Variants in MTTP observed in about 807,000 individuals in gnomAD.
The protein encoded by MTTP is microsomal triglyceride transfer protein large subunit.
Under a neutral mutation model 90.6 loss-of-function variants are expected in MTTP, and 49 were observed. That is an observed-to-expected ratio of 0.54 (90% CI 0.43 to 0.69). The LOEUF (loss-of-function observed/expected upper bound fraction) is 0.69, where lower values mean the gene tolerates loss of function less well. MTTP is among the 30% of genes least tolerant of loss of function. The pLI, the probability that MTTP is intolerant of heterozygous loss-of-function variation, is 0.00. For missense variants in MTTP, 945 were observed against 1,067.5 expected (o/e 0.89, Z 1.60); for synonymous variants, 347 against 384.2 (o/e 0.90, Z 1.13).
chr4:99,608,289 A>C (rs1422704548), intron 11 of MTTP, among the ~76,000 whole-genome samples: 1 of 151,978 alleles, frequency 6.6e-6, no homozygotes, highest in Non-Finnish European at 1.5e-5. Flanking sequence ...TACTAAAAAT[A>C]CAAAAATCAG....
Position 99,611,235 on chromosome 4 carries a change from T to C in MTTP, c.1862T>C (p.Ile621Thr), listed in dbSNP as rs1462140037. ...TCTTCTTCTGCCTACACTGGCTACA[T>C]AGAACGTATGTACACCAAAAAGAGG... ...SGSSSAYTGY[I>T]ERSPRSASTY... is the part of the protein sequence containing the mutation. The change falls in exon 13 of 18, where the codon ATA becomes ACA. Residue 621 changes from isoleucine (I) to threonine (T), a missense_variant. By Grantham distance (89) the Ile-to-Thr change is moderately conservative. Transcript: ENST00000265517. 6 of 1,613,784 alleles carry C rather than the reference T, an allele frequency of 3.7e-6. No individual in the cohort carries two copies. The African/African-American group carries it at 4.0e-5, about 11-fold the overall frequency.
chr4:99,567,908 A>G (rs1333984890), intron 1 of MTTP, among the ~76,000 whole-genome samples: 2 of 152,156 alleles, frequency 1.3e-5, no homozygotes, highest in Non-Finnish European at 2.9e-5. Flanking sequence ...CTAAAAATAT[A>G]CCACAGAAAA....
chr4:99,584,666 G>A (rs1343690527), intron 3 of MTTP, among the ~76,000 whole-genome samples: 1 of 152,030 alleles, frequency 6.6e-6, no homozygotes, highest in Non-Finnish European at 1.5e-5. Context: ...CTGTCATAAA[G>A]TTCATACCCT....
At chr4:99,585,306 T>C (rs886827808) in intron 3 of MTTP, among the ~76,000 whole-genome samples, 1 of 152,126 alleles carries the variant, frequency 6.6e-6, no homozygotes, top group African/African-American at 2.4e-5. Flanking sequence ...TTGTGATAGA[T>C]GAGGAACCAA....
At chr4:99,564,132 C>T (rs1025678473) in exon 1 of MTTP, 18 of 1,535,340 alleles carry the variant, frequency 1.2e-5, no homozygotes, top group Non-Finnish European at 1.5e-5. Flanking sequence ...GGGGCGGGGT[C>T]TGGAGTTAGT....
chr4:99,574,742 G>T (rs1427855661), upstream of MTTP: 1 of 1,487,406 alleles, frequency 6.7e-7, no homozygotes, highest in African/African-American at 1.4e-5. Flanking sequence ...GCCCTTCAGT[G>T]AACTTAGGTC....
chr4:99,569,265 A>G (rs1160237197), intron 1 of MTTP, among the ~76,000 whole-genome samples: 1 of 152,110 alleles, frequency 6.6e-6, no homozygotes, highest in Non-Finnish European at 1.5e-5. Context: ...TCACTAGAGG[A>G]ATATCTTGCG....
chr4:99,603,742 A>G (rs1051662711), intron 10 of MTTP, among the ~76,000 whole-genome samples: 1 of 152,118 alleles, frequency 6.6e-6, no homozygotes, highest in Admixed American at 6.6e-5. Flanking sequence ...CACCAGGCTC[A>G]GTTGTCCAAC....
rs1725671629 is a variant in MTTP, at chr4:99,600,621, T to C, written c.1124T>C (p.Ile375Thr). 6.2e-7 allele frequency: 1 copy of C among 1,613,680 alleles called. No individual in the cohort carries two copies. The highest frequency in any genetic ancestry group is 1.3e-5 in the African/African-American group (1 of 74,880). The change falls in exon 9 of 18, where the codon ATT becomes ACT. Residue 375 changes from isoleucine (I) to threonine (T), a missense_variant. Physicochemically the swap from Ile to Thr is moderately conservative, Grantham distance 89. Transcript: ENST00000265517. ...SAQTSDSLEA[I>T]LDFLDFKSDS... ...CAGACCTCAGACTCATTAGAAGCCA[T>C]TTTGGACTTTTTGGATTTCAAAAGT...
chr4:99,602,431 C>A (rs1051241522), intron 10 of MTTP, among the ~76,000 whole-genome samples: 1 of 152,044 alleles, frequency 6.6e-6, no homozygotes, highest in African/African-American at 2.4e-5. Flanking sequence ...ACAACATAGT[C>A]TTTTTTTCTG....
intron 15 of MTTP, among the ~76,000 whole-genome samples, chr4:99,614,145 A>G (rs1385342486): frequency 1.3e-5 from 2 of 152,192 alleles, no homozygotes; most frequent in African/African-American, 2.4e-5. Context: ...ACATTAATGG[A>G]TAATAGCCTA....
Position 99,610,929 on chromosome 4 carries a change from T to G in MTTP, c.1770-214T>G, listed in dbSNP as rs75109541. Among the ~76,000 whole-genome samples, 29 of 152,328 alleles carry G rather than the reference T, an allele frequency of 1.9e-4. No individual in the cohort carries two copies. The East Asian group carries it at 4.1e-3, about 21-fold the overall frequency. On this transcript the variant is annotated intron_variant, in intron 12 of 17. Transcript: ENST00000265517. Reference sequence around the variant, plus strand: ...GGACACCCTTGCCTTGCTGTCATTTTGATACCAAACTAAATTTCAAATATC... The same window carrying G: ...GGACACCCTTGCCTTGCTGTCATTTGGATACCAAACTAAATTTCAAATATC...
intron 4 of MTTP, among the ~76,000 whole-genome samples, chr4:99,590,691 G>A (rs1725393057): frequency 1.3e-5 from 2 of 152,156 alleles, no homozygotes. Flanking sequence ...AAAGCTCAGA[G>A]AAGCTAGACA....
At chr4:99,566,553 G>A (rs1724707170) in intron 1 of MTTP, among the ~76,000 whole-genome samples, 1 of 152,152 alleles carries the variant, frequency 6.6e-6, no homozygotes, top group Non-Finnish European at 1.5e-5. Context: ...ACAAACCTGA[G>A]AGTGCAATTC....
chr4:99,612,734 T>A (rs577597409), intron 14 of MTTP, among the ~76,000 whole-genome samples, 179 bp from the exon 15 acceptor site: 84 of 152,320 alleles, frequency 5.5e-4, no homozygotes, highest in African/African-American at 1.9e-3. Flanking sequence ...AATGAAAAAC[T>A]AACCCACCTT....
Position 99,564,227 on chromosome 4 carries a change from C to A in MTTP, c.-112C>A, listed in dbSNP as rs1172717458. ...GTGTACCTGCAGACGTGTATTCATT[C>A]ATATATTCTTGTGAGTATTGGATGA... On this transcript the variant is annotated 5_prime_UTR_variant, in exon 1 of 19. Coordinates refer to the MTTP transcript ENST00000457717. 2.0e-6 allele frequency: 3 copies of A among 1,535,444 alleles called. No individual in the cohort carries two copies. In the African/African-American group the frequency reaches 4.1e-5, roughly 21 times the overall value.
chr4:99,590,427 G>T (rs1157422725), intron 4 of MTTP, among the ~76,000 whole-genome samples: 14 of 152,134 alleles, frequency 9.2e-5, no homozygotes, highest in Admixed American at 9.2e-4. Context: ...GGATTATTTG[G>T]ATGCATTGTC....
intron 4 of MTTP, among the ~76,000 whole-genome samples, chr4:99,590,857 AC>A (rs554933809): frequency 0.07 from 10,575 of 151,126 alleles, 591 homozygotes; most frequent in African/African-American, 0.15. Context: ...ACACACACAC[AC>A]ACACACCACA....
chr4:99,569,491 T>C, intron 1 of MTTP, among the ~76,000 whole-genome samples: 1 of 152,102 alleles, frequency 6.6e-6, no homozygotes, highest in East Asian at 1.9e-4. Context: ...TGTAAGTTAT[T>C]AACAGAAGTA....
Sources: allele counts gnomAD v4.1 joint callset (sites outside exome capture counted in the v4.1 genomes callset), GRCh38; gene constraint gnomAD v4.1.1; transcripts MANE v1.5; gene names NCBI Gene and HGNC (gene_info 2026-07-23, HGNC 2026-07-21).